Variants in PPP3R1 observed in about 807,000 individuals in gnomAD.
PPP3R1 encodes protein phosphatase 3 regulatory subunit B, alpha.
PPP3R1 carries 5 observed loss-of-function variants against 22.6 expected under a neutral mutation model. That is an observed-to-expected ratio of 0.22 (90% CI 0.12 to 0.46). The LOEUF is 0.46. PPP3R1 is among the 20% of genes least tolerant of loss of function. PPP3R1 has a pLI of 0.99. For missense variants in PPP3R1, 61 were observed against 203.2 expected, an observed-to-expected ratio of 0.30 and a Z score of 4.25; for synonymous variants, 56 against 65.2, an observed-to-expected ratio of 0.86 and a Z score of 0.68.
chr2:68,238,618 TC>T (rs1670059413), intron 1 of PPP3R1, among the ~76,000 whole-genome samples: 1 of 151,948 alleles, frequency 6.6e-6, no homozygotes, highest in Non-Finnish European at 1.5e-5. Context: ...GATTTCCTCA[TC>T]CAAAGAAAAA....
intron 1 of PPP3R1, among the ~76,000 whole-genome samples, chr2:68,218,550 G>C (rs1413888049): frequency 6.6e-6 from 1 of 151,924 alleles, no homozygotes; most frequent in South Asian, 2.1e-4. Context: ...TTACTTAATT[G>C]ATCTTAATAT....
intron 2 of PPP3R1, among the ~76,000 whole-genome samples, chr2:68,192,368 C>T (rs1262029753): frequency 6.6e-6 from 1 of 152,226 alleles, no homozygotes; most frequent in East Asian, 1.9e-4. Context: ...AATGTCTCCA[C>T]AAACTTTAAG....
chr2:68,181,100 T>C, intron 5 of PPP3R1, 90 bp from the exon 6 acceptor site: 1 of 1,292,196 alleles, frequency 7.7e-7, no homozygotes, highest in Admixed American at 1.9e-5. Flanking sequence ...TAAAAAATAT[T>C]ACTAGGGGGC....
At chr2:68,249,387 T>C (rs974186331) in intron 1 of PPP3R1, among the ~76,000 whole-genome samples, 1 of 152,020 alleles carries the variant, frequency 6.6e-6, no homozygotes, top group African/African-American at 2.4e-5. Flanking sequence ...TAGACGGCAA[T>C]AAATTTGTTT....
intron 1 of PPP3R1, among the ~76,000 whole-genome samples, chr2:68,225,555 T>C (rs938852058): frequency 2.0e-5 from 3 of 152,224 alleles, no homozygotes; most frequent in Non-Finnish European, 4.4e-5. Context: ...TTCAGCCTTG[T>C]GATACTCTGA....
At chr2:68,230,011 C>CACACACACACACAT (rs1421392496) in intron 1 of PPP3R1, among the ~76,000 whole-genome samples, 272 of 139,610 alleles carry the variant, frequency 1.9e-3, no homozygotes, top group African/African-American at 6.8e-3. Context: ...CACACACACA[C>CACACACACACACAT]ATATATATTT....
In PPP3R1 at chr2:68,186,470, C is replaced by A; in HGVS notation, c.463G>T (p.Ala155Ser). ...DGRISFEEFCAVVGGLDIHKK... is the reference protein window; with the variant it reads ...DGRISFEEFCSVVGGLDIHKK... ...AGAACCAGCTCTTTTGTACTTACAG[C>A]ACAGAATTCTTCAAAGGATATTCTT... Residue 155 changes from alanine to serine, a missense_variant and splice_region_variant, in exon 5 of 6, where the codon GCT (alanine) becomes TCT (serine). Physicochemically the swap from Ala to Ser is moderately conservative, Grantham distance 99 (BLOSUM62 1). Coordinates refer to ENST00000234310, the MANE Select transcript of PPP3R1 (RefSeq NM_000945.4). The A allele has an allele frequency of 6.2e-7, 1 of 1,610,478 alleles. No homozygotes were observed. The highest frequency in any genetic ancestry group is 8.5e-7 in the Non-Finnish European group (1 of 1,177,486).
intron 1 of PPP3R1, among the ~76,000 whole-genome samples, chr2:68,244,425 T>C (rs1227147939): frequency 6.6e-6 from 1 of 152,178 alleles, no homozygotes; most frequent in Non-Finnish European, 1.5e-5. Context: ...AGGCTCAATG[T>C]CAACCTCAGC....
intron 2 of PPP3R1, among the ~76,000 whole-genome samples, chr2:68,199,505 G>C (rs911084020): frequency 6.6e-6 from 1 of 152,116 alleles, no homozygotes; most frequent in Non-Finnish European, 1.5e-5. Flanking sequence ...GATTAGAAGT[G>C]GTCAAGAGTG....
At chr2:68,239,145 T>A (rs949573866) in intron 1 of PPP3R1, among the ~76,000 whole-genome samples, 10 of 152,090 alleles carry the variant, frequency 6.6e-5, no homozygotes, top group Admixed American at 3.9e-4. Context: ...CCAACACAGA[T>A]AAATAGCCAA....
intron 1 of PPP3R1, among the ~76,000 whole-genome samples, chr2:68,230,818 G>C (rs938960374): frequency 7.2e-5 from 11 of 152,120 alleles, no homozygotes; most frequent in African/African-American, 2.7e-4. Context: ...TTCAGCACTT[G>C]AAAAATGTGA....
intron 2 of PPP3R1, among the ~76,000 whole-genome samples, chr2:68,204,419 ACAAT>A (rs1675065530): frequency 1.3e-5 from 2 of 151,590 alleles, no homozygotes; most frequent in South Asian, 4.1e-4. Context: ...ATTCATGTAG[ACAAT>A]TATAACATTA....
intron 2 of PPP3R1, among the ~76,000 whole-genome samples, chr2:68,198,185 AATAT>A (rs200143942): frequency 0.025 from 3,608 of 146,128 alleles, 141 homozygotes; most frequent in African/African-American, 0.082. Flanking sequence ...ATGTATATAT[AATAT>A]ATATTTACAT....
In PPP3R1 at chr2:68,201,663, T is replaced by C. The variant is rs149021897; in HGVS notation, c.44-12973A>G. Reference sequence around the variant, plus strand: ...TGAACTTCTATTTCATTTTGCTAGGTACATATTCAAGAACTCGTTTAAGTT... The same window carrying C: ...TGAACTTCTATTTCATTTTGCTAGGCACATATTCAAGAACTCGTTTAAGTT... On this transcript the variant is annotated intron_variant, in intron 2 of 5. Coordinates refer to ENST00000234310, the MANE Select transcript of PPP3R1 (RefSeq NM_000945.4). 5.9e-5 allele frequency among the ~76,000 whole-genome samples: 9 copies of C among 152,342 alleles called. 1 individual carries two copies. In the East Asian group the frequency reaches 1.7e-3, roughly 29 times the overall value.
chr2:68,229,965 T>TACAC (rs1157191768), intron 1 of PPP3R1, among the ~76,000 whole-genome samples: 1,235 of 49,464 alleles, frequency 0.025, 11 homozygotes, highest in Admixed American at 0.033. Flanking sequence ...TGTGTATATA[T>TACAC]ACACACATAC....
At chr2:68,181,594 CTTTTTT>C (rs35684152) in intron 5 of PPP3R1, among the ~76,000 whole-genome samples, 1 of 137,758 alleles carries the variant, frequency 7.3e-6, no homozygotes, top group Non-Finnish European at 1.5e-5. Flanking sequence ...TCACATTTTC[CTTTTTT>C]TTTTTTTTTC....
chr2:68,199,935 T>C lies in PPP3R1; in HGVS notation c.44-11245A>G, dbSNP rs151050304. Among the ~76,000 whole-genome samples, 11 of 152,296 alleles carry C rather than the reference T, an allele frequency of 7.2e-5. No homozygotes were observed. The East Asian group carries it at 2.1e-3, about 29-fold the overall frequency. On this transcript the variant is annotated intron_variant, in intron 2 of 5. Coordinates refer to ENST00000234310, the MANE Select transcript of PPP3R1 (RefSeq NM_000945.4). ...AATGTCTTTGGTATTACCATCAAGG[T>C]AATGCTAGCTTCTATTTTCTAAGAG...
intron 2 of PPP3R1, among the ~76,000 whole-genome samples, chr2:68,207,935 C>T (rs375703286): frequency 2.6e-5 from 4 of 152,182 alleles, no homozygotes; most frequent in Admixed American, 6.5e-5. Flanking sequence ...GCAGGCGGCT[C>T]GCCTGGGATC....
chr2:68,188,393 CATAA>C, intron 3 of PPP3R1, 117 bp downstream of exon 3: 2 of 741,342 alleles, frequency 2.7e-6, no homozygotes, highest in Non-Finnish European at 4.0e-6. Flanking sequence ...GAGGTTTTAA[CATAA>C]TCTATTATTG....
Sources: allele counts gnomAD v4.1 joint callset (sites outside exome capture counted in the v4.1 genomes callset), GRCh38; gene constraint gnomAD v4.1.1; transcripts MANE v1.5; gene names NCBI Gene and HGNC (gene_info 2026-07-23, HGNC 2026-07-21).